SGK2: variants seen among roughly 807,000 people sequenced by gnomAD.
The protein encoded by SGK2 is serine/threonine-protein kinase Sgk2.
SGK2 carries 36 observed loss-of-function variants against 47.5 expected under a neutral mutation model. The observed-to-expected ratio is 0.76, with a 90% confidence interval of 0.58 to 1.00. The LOEUF (loss-of-function observed/expected upper bound fraction) is 1.00, where lower values mean the gene tolerates loss of function less well. Ranked by LOEUF, SGK2 falls within the 50% of genes least tolerant of loss-of-function variation. The pLI is 0.00. For synonymous variants in SGK2, 157 were observed against 181.9 expected, an observed-to-expected ratio of 0.86 and a Z score of 1.10; for missense variants, 404 against 467.4, an observed-to-expected ratio of 0.86 and a Z score of 1.25.
chr20:43,581,973 G>A (rs1238147654), intron 12 of SGK2, among the ~76,000 whole-genome samples: 2 of 152,128 alleles, frequency 1.3e-5, no homozygotes, highest in African/African-American at 4.8e-5. Flanking sequence ...TTGCAAATTT[G>A]GTAAGTAAAA....
rs111483371 is a variant in SGK2 at position 43,572,444 on chromosome 20, G to A, written c.597+307G>A. ...TAATCCCAGCACTTTGGGAGGCTGA[G>A]GTGGGCAGATCACCTGAGGTCAGGA... On this transcript the variant is annotated intron_variant, in intron 9 of 12. Coordinates refer to ENST00000373100, the MANE Select transcript of SGK2 (RefSeq NM_170693.3). This position sits in a 1 kb window ranked among gnomAD's most constrained non-coding sequence, Gnocchi z 4.2. Among the ~76,000 whole-genome samples the A allele has an allele frequency of 3.5e-3, 532 of 152,334 alleles. No homozygotes were observed. The highest frequency in any genetic ancestry group is 6.5e-3 in the Non-Finnish European group (440 of 68,028).
intron 1 of SGK2, among the ~76,000 whole-genome samples, chr20:43,563,931 G>A (rs766901595): frequency 3.9e-5 from 6 of 152,214 alleles, no homozygotes; most frequent in Non-Finnish European, 8.8e-5. Context: ...AACCCACAGA[G>A]AACCCCTGAG....
intron 6 of SGK2, 116 bp downstream of exon 6, chr20:43,569,632 C>T (rs370629560): frequency 8.1e-7 from 1 of 1,228,742 alleles, no homozygotes; most frequent in East Asian, 2.4e-5. Context: ...TACAATAGAC[C>T]CATTTTGTAG....
At chr20:43,567,883 C>T (rs1471077242) in intron 4 of SGK2, 33 bp from the exon 5 acceptor site, 1 of 1,606,210 alleles carries the variant, frequency 6.2e-7, no homozygotes, top group South Asian at 1.1e-5. Flanking sequence ...TCCAAAGTCA[C>T]CTACAGGGCC....
At chr20:43,567,241 G>GATA in intron 3 of SGK2, 124 bp downstream of exon 3, 1 of 803,168 alleles carries the variant, frequency 1.2e-6, no homozygotes, top group Non-Finnish European at 2.1e-6. Flanking sequence ...TCTGGGCCCA[G>GATA]GACCTTTCCC....
Position 43,571,069 on chromosome 20 carries a change from GT to G in SGK2, c.510+10del, listed in dbSNP as rs771184584. On this transcript the variant is annotated intron_variant, in intron 8 of 12. Coordinates refer to ENST00000373100, the MANE Select transcript of SGK2 (RefSeq NM_170693.3). ...TTCTCTTGGACTGCCAGGTTGGTGT[GT>G]GTGTGTGTGTGTGTGTGTGTGTGTG... The G allele has an allele frequency of 1.1e-4, 36 of 330,076 alleles. No homozygotes were observed. The highest frequency in any genetic ancestry group is 9.7e-4 in the Middle Eastern group (1 of 1,026). 20.4% of individuals were successfully genotyped at this position (330,076 alleles called of 1,614,324 possible). A position where few individuals can be genotyped will look rare whatever the true frequency, so the allele number is the denominator to read the frequency against.
intron 1 of SGK2, chr20:43,566,239 T>A: frequency 8.4e-7 from 1 of 1,187,364 alleles, no homozygotes; most frequent in Non-Finnish European, 1.2e-6. Flanking sequence ...GGCCACACCC[T>A]GACCATCCCC....
intron 4 of SGK2, 23 bp from the exon 5 acceptor site, chr20:43,567,893 C>T (rs201531536): frequency 1.9e-6 from 3 of 1,611,866 alleles, no homozygotes; most frequent in Non-Finnish European, 2.5e-6. Flanking sequence ...CCTACAGGGC[C>T]TCAAATTCAT....
In SGK2 at chr20:43,579,274, C is replaced by A. The variant is rs546055485; in HGVS notation, c.850-698C>A. Among the ~76,000 whole-genome samples, 124 of 152,234 alleles carry A rather than the reference C, an allele frequency of 8.1e-4. 2 individuals are homozygous for A. The highest frequency in any genetic ancestry group is 7.8e-3 in the Admixed American group (120 of 15,288). ...CAGGTGATTCACCTGCCTTGACCTC[C>A]CAAAGTGCTGGCACTACCAGCGTGA... On this transcript the variant is annotated intron_variant, in intron 11 of 12. Transcript: ENST00000373100.
intron 1 of SGK2, chr20:43,566,189 CTGGG>C (rs1979696439): frequency 1.4e-6 from 1 of 712,620 alleles, no homozygotes; most frequent in East Asian, 2.6e-5. Flanking sequence ...TCTTGTTGCC[CTGGG>C]TGTCCCCAGT....
At chr20:43,559,250 C>G (rs1345684324) in intron 1 of SGK2, 91 bp downstream of exon 1, 1 of 152,238 alleles carries the variant, frequency 6.6e-6, no homozygotes, top group African/African-American at 2.4e-5. Flanking sequence ...TTCCTAGTAC[C>G]TGTTTACTTT....
intron 4 of SGK2, 69 bp downstream of exon 4, chr20:43,567,791 AC>A: frequency 1.3e-6 from 2 of 1,569,404 alleles, no homozygotes; most frequent in Non-Finnish European, 1.8e-6. Flanking sequence ...CCCTGCTGCC[AC>A]TTGTATGTAT....
At chr20:43,567,203 C>G (rs1009494935) in intron 3 of SGK2, 86 bp downstream of exon 3, 3 of 1,145,744 alleles carry the variant, frequency 2.6e-6, no homozygotes, top group Admixed American at 1.7e-5. Context: ...TCCAGATTCT[C>G]TGGTCTAGCA....
At position 43,585,105 on chromosome 20, in the gene SGK2, T is replaced by A; in HGVS notation, c.*89T>A. On this transcript the variant is annotated 3_prime_UTR_variant, in exon 13 of 13. Transcript: ENST00000373100. ...TAGGAAGAGCGACTCAAACTAACAATGGCTTCAACGAGAAGCAGGTTTATT... is the reference window on the plus strand; with the variant it reads ...TAGGAAGAGCGACTCAAACTAACAAAGGCTTCAACGAGAAGCAGGTTTATT... The A allele has an allele frequency of 8.0e-7, 1 of 1,251,234 alleles. No homozygotes were observed. The highest frequency in any genetic ancestry group is 1.5e-5 in the African/African-American group (1 of 66,810). 77.5% of individuals were successfully genotyped at this position (1,251,234 alleles called of 1,614,324 possible). A position where few individuals can be genotyped will look rare whatever the true frequency, so the allele number is the denominator to read the frequency against.
intron 12 of SGK2, 141 bp downstream of exon 12, chr20:43,580,202 G>T: frequency 1.7e-6 from 1 of 580,532 alleles, no homozygotes; most frequent in South Asian, 2.2e-5. Context: ...GTCAGTTAGA[G>T]ACAGAACTGG....
intron 7 of SGK2, 101 bp downstream of exon 7, chr20:43,570,830 G>T (rs747915660): frequency 3.1e-6 from 4 of 1,273,434 alleles, no homozygotes; most frequent in Non-Finnish European, 4.5e-6. Context: ...TGGTGGACTT[G>T]GTCCTTTGTT....
rs1980105762 is a variant in SGK2 at position 43,571,171 on chromosome 20, A to G, written c.510+111A>G. On this transcript the variant is annotated intron_variant, in intron 8 of 12. Transcript: ENST00000373100. ...ATGGGTGTGCATGCATTGTACATGTATGCATATAGGTAGAGGAGGCATTTG... is the reference window on the plus strand; with the variant it reads ...ATGGGTGTGCATGCATTGTACATGTGTGCATATAGGTAGAGGAGGCATTTG... 4 of 1,534,378 alleles carry G rather than the reference A, an allele frequency of 2.6e-6. No homozygotes were observed. In the Admixed American group the frequency reaches 7.0e-5, roughly 27 times the overall value.
intron 1 of SGK2, among the ~76,000 whole-genome samples, chr20:43,560,710 GT>G (rs1195455733): frequency 6.6e-6 from 1 of 152,064 alleles, no homozygotes; most frequent in African/African-American, 2.4e-5. Flanking sequence ...GTATGTTCCT[GT>G]TTTGGTTTAT....
At chr20:43,576,187 A>G (rs1475203826) in intron 10 of SGK2, 37 bp from the exon 11 acceptor site, 9 of 1,608,742 alleles carry the variant, frequency 5.6e-6, no homozygotes, top group South Asian at 1.1e-5. Flanking sequence ...TTCACTTTGC[A>G]TGGGTGATCC....
Sources: gnomAD v4.1 joint callset for allele counts (sites outside exome capture counted in the v4.1 genomes callset) on GRCh38, gnomAD v4.1.1 for gene constraint, Gnocchi (gnomAD v3.1) non-coding constraint, MANE v1.5 for transcripts, NCBI Gene and HGNC (gene_info 2026-07-23, HGNC 2026-07-21) for gene names.